Variants in FSTL5 observed in about 807,000 individuals in gnomAD.
FSTL5 encodes follistatin like 5.
A neutral mutation model predicts 89.1 loss-of-function variants in FSTL5; 62 were observed. The observed-to-expected ratio is 0.70, with a 90% CI of 0.57 to 0.86. The LOEUF (loss-of-function observed/expected upper bound fraction) is 0.86. Ranked by LOEUF, FSTL5 falls within the 40% of genes least tolerant of loss-of-function variation. The probability of loss-of-function intolerance (pLI) is 0.00; values close to 1 mark genes in which losing one functional copy is unlikely to be tolerated. For synonymous variants in FSTL5, 383 were observed against 346.2 expected, an observed-to-expected ratio of 1.11 and a Z score of -1.18; for missense variants, 1,057 against 1,001.6, an observed-to-expected ratio of 1.06 and a Z score of -0.75.
rs117249360 is a variant in FSTL5 at position 161,483,371 on chromosome 4, A to G, written c.1459-2202T>C. Among the ~76,000 whole-genome samples the G allele has an allele frequency of 2.8e-4, 43 of 152,364 alleles. 1 individual carries two copies. The East Asian group carries it at 7.9e-3, about 28-fold the overall frequency. ...TTGCGTAAAACCTGCCAAAGTAATG[A>G]AAAGTGTGAGTGACCTGACAAATAA... On this transcript the variant is annotated intron_variant, in intron 12 of 15. Coordinates refer to ENST00000306100, the MANE Select transcript of FSTL5 (RefSeq NM_020116.5).
At chr4:161,508,625 C>T (rs757942993) in intron 11 of FSTL5, among the ~76,000 whole-genome samples, 4 of 151,818 alleles carry the variant, frequency 2.6e-5, no homozygotes, top group African/African-American at 7.3e-5. Context: ...TTTAATTAAT[C>T]TGAAAGCTTC....
chr4:161,645,393 C>T (rs565564597), intron 7 of FSTL5, among the ~76,000 whole-genome samples: 15 of 150,686 alleles, frequency 1.0e-4, no homozygotes, highest in African/African-American at 1.9e-4. Flanking sequence ...CTCACTTACA[C>T]GTGGACATTG....
chr4:162,055,002 G>A lies in FSTL5; in HGVS notation c.127-21344C>T, dbSNP rs111868215. On this transcript the variant is annotated intron_variant, in intron 2 of 15. Coordinates refer to ENST00000306100, the MANE Select transcript of FSTL5 (RefSeq NM_020116.5). ...TTGTGGATTAACTCTGTGACAAATGGTGCTGTCAAATCCAGTTACTTGATA... is the reference window on the plus strand; with the variant it reads ...TTGTGGATTAACTCTGTGACAAATGATGCTGTCAAATCCAGTTACTTGATA... Among the ~76,000 whole-genome samples the A allele has an allele frequency of 3.3e-3, 498 of 151,972 alleles. 7 individuals carry two copies. Among genetic ancestry groups the A allele is most frequent in the African/African-American group, 0.011 (464 of 41,444 alleles).
chr4:162,114,825 A>G (rs1286885244), intron 1 of FSTL5, among the ~76,000 whole-genome samples: 1 of 152,074 alleles, frequency 6.6e-6, no homozygotes, highest in Non-Finnish European at 1.5e-5. Context: ...TATTTGTGCT[A>G]TTTTCATCTA....
intron 6 of FSTL5, among the ~76,000 whole-genome samples, chr4:161,718,215 T>C (rs991351470): frequency 1.3e-5 from 2 of 152,212 alleles, no homozygotes; most frequent in Non-Finnish European, 2.9e-5. Flanking sequence ...TGAACTTCAC[T>C]ATACTCTCAG....
At chr4:161,603,910 T>C (rs1734344600) in intron 7 of FSTL5, among the ~76,000 whole-genome samples, 1 of 152,146 alleles carries the variant, frequency 6.6e-6, no homozygotes, top group South Asian at 2.1e-4. Context: ...TTTACCTGGC[T>C]AAGGGAAATT....
chr4:161,640,421 C>A (rs1365288067), intron 7 of FSTL5, among the ~76,000 whole-genome samples: 2 of 151,918 alleles, frequency 1.3e-5, no homozygotes, highest in African/African-American at 4.8e-5. Context: ...ATGTGAAGAA[C>A]GTGAAGAAAA....
intron 15 of FSTL5, among the ~76,000 whole-genome samples, chr4:161,453,536 A>G (rs112573132): frequency 0.018 from 2,808 of 152,212 alleles, 106 homozygotes; most frequent in African/African-American, 0.064. Flanking sequence ...AAAACTGTTA[A>G]TTTCATCAGA....
intron 3 of FSTL5, among the ~76,000 whole-genome samples, chr4:161,953,667 G>C (rs1405772609): frequency 6.6e-6 from 1 of 151,436 alleles, no homozygotes; most frequent in African/African-American, 2.4e-5. Context: ...CACAATTTTA[G>C]TTAGCCATAG....
chr4:161,895,186 C>A (rs950980084), intron 4 of FSTL5, among the ~76,000 whole-genome samples: 3 of 152,140 alleles, frequency 2.0e-5, no homozygotes, highest in African/African-American at 7.2e-5. Flanking sequence ...TACTCTCGTG[C>A]CCCTTGTTTT....
chr4:161,818,497 A>C (rs1178351592), intron 4 of FSTL5, among the ~76,000 whole-genome samples: 1 of 152,204 alleles, frequency 6.6e-6, no homozygotes, highest in African/African-American at 2.4e-5. Flanking sequence ...CCTGTAACAC[A>C]TGCCCAGTGG....
intron 3 of FSTL5, among the ~76,000 whole-genome samples, chr4:161,933,504 T>G (rs1734348477): frequency 6.6e-6 from 1 of 152,028 alleles, no homozygotes; most frequent in African/African-American, 2.4e-5. Flanking sequence ...TTAAAAAAGT[T>G]GTCACATGAG....
At chr4:161,856,175 A>C (rs763910868) in intron 4 of FSTL5, among the ~76,000 whole-genome samples, 27 of 152,124 alleles carry the variant, frequency 1.8e-4, no homozygotes, top group Non-Finnish European at 3.5e-4. Flanking sequence ...TTTGAAAATT[A>C]GACAATTCTT....
chr4:161,450,722 G>A (rs1048716877), intron 15 of FSTL5, among the ~76,000 whole-genome samples: 6 of 150,434 alleles, frequency 4.0e-5, no homozygotes, highest in Non-Finnish European at 7.4e-5. Flanking sequence ...TGACTATTAC[G>A]AGAATTACAT....
chr4:162,093,746 A>G (rs1322460203), intron 2 of FSTL5, among the ~76,000 whole-genome samples: 1 of 152,194 alleles, frequency 6.6e-6, no homozygotes, highest in Non-Finnish European at 1.5e-5. Context: ...AACTTCTGTG[A>G]TTTGTTTATC....
At chr4:161,734,329 C>A (rs1248167518) in intron 6 of FSTL5, among the ~76,000 whole-genome samples, 2 of 152,020 alleles carry the variant, frequency 1.3e-5, no homozygotes, top group African/African-American at 4.8e-5. Context: ...ATATAATTTA[C>A]AATTGAGACA....
intron 1 of FSTL5, among the ~76,000 whole-genome samples, chr4:162,145,872 G>A (rs1277700226): frequency 6.6e-6 from 1 of 152,160 alleles, no homozygotes; most frequent in Non-Finnish European, 1.5e-5. Flanking sequence ...GGCCAGTGGA[G>A]AGACTATTTT....
At chr4:162,104,670 G>A (rs527382778) in intron 2 of FSTL5, among the ~76,000 whole-genome samples, 2 of 152,256 alleles carry the variant, frequency 1.3e-5, no homozygotes, top group African/African-American at 4.8e-5. Flanking sequence ...TCTGGCTACC[G>A]CTACTACTGT....
intron 7 of FSTL5, among the ~76,000 whole-genome samples, chr4:161,599,101 GA>G (rs1326922252): frequency 2.6e-5 from 4 of 151,894 alleles, no homozygotes; most frequent in Non-Finnish European, 4.4e-5. Flanking sequence ...CTGATAAAGG[GA>G]AAAACAAAAG....
Sources: gnomAD v4.1 joint callset for allele counts (sites outside exome capture counted in the v4.1 genomes callset) on GRCh38, gnomAD v4.1.1 for gene constraint, MANE v1.5 for transcripts, NCBI Gene and HGNC (gene_info 2026-07-23, HGNC 2026-07-21) for gene names.